Variants in PCDHGB2 observed in about 807,000 individuals in gnomAD.
PCDHGB2 encodes the protein protocadherin gamma subfamily B, 2, also known as protocadherin gamma-B2.
In PCDHGB2, 55 loss-of-function variants were observed where a neutral mutation model predicts 59.3. The ratio of observed to expected loss-of-function variants is 0.93; its 90% CI spans 0.75 to 1.16. The LOEUF (loss-of-function observed/expected upper bound fraction) is 1.16. Ranked by LOEUF, PCDHGB2 falls within the 50% of genes most tolerant of loss-of-function variation. PCDHGB2 has a pLI of 0.00. For missense variants in PCDHGB2, 1,228 were observed against 1,198.5 expected (o/e 1.02, Z -0.36); for synonymous variants, 516 against 512.0 (o/e 1.01, Z -0.11).
In PCDHGB2 at chr5:141,398,855, A is replaced by G. The variant is rs1376506270; in HGVS notation, c.2421+36299A>G. ...GCCAATGATAATCCCCCGGTATTCA[A>G]CCGAGACGTGTACAGAGTCAGCCTT... On this transcript the variant is annotated intron_variant, in intron 1 of 3. Coordinates refer to ENST00000522605, the MANE Select transcript of PCDHGB2 (RefSeq NM_018923.3). 2.5e-6 allele frequency: 4 copies of G among 1,613,852 alleles called. No individual in the cohort carries two copies. The African/African-American group carries it at 5.3e-5, about 22-fold the overall frequency.
At chr5:141,390,163 C>T (rs376391116) in intron 1 of PCDHGB2, 27 of 1,613,874 alleles carry the variant, frequency 1.7e-5, no homozygotes, top group African/African-American at 2.7e-5. Flanking sequence ...ACAGGAAAGA[C>T]GGAGTTTAAT....
chr5:141,470,100 G>A (rs1259251144), intron 1 of PCDHGB2, among the ~76,000 whole-genome samples: 2 of 152,178 alleles, frequency 1.3e-5, no homozygotes, highest in African/African-American at 4.8e-5. Context: ...CTACATTCCA[G>A]TCTGAGCAAC....
At chr5:141,468,425 T>TA (rs2099167168) in intron 1 of PCDHGB2, 1 of 151,612 alleles carries the variant, frequency 6.6e-6, no homozygotes, top group Non-Finnish European at 1.5e-5. Context: ...GATAGCAAGG[T>TA]AATAGCAAAA....
At chr5:141,411,631 C>G (rs570915798) in intron 1 of PCDHGB2, 1 of 151,812 alleles carries the variant, frequency 6.6e-6, no homozygotes, top group South Asian at 2.1e-4. Context: ...TGCTGTAATC[C>G]CAGCACTTTG....
Position 141,477,283 on chromosome 5 carries a change from C to T in PCDHGB2, c.2422-17524C>T, listed in dbSNP as rs766672047. The T allele has an allele frequency of 9.3e-6, 15 of 1,614,076 alleles. No homozygotes were observed. The highest frequency in any genetic ancestry group is 2.7e-5 in the African/African-American group (2 of 74,924). On this transcript the variant is annotated intron_variant, in intron 1 of 3. Coordinates refer to ENST00000522605, the MANE Select transcript of PCDHGB2 (RefSeq NM_018923.3). The surrounding 1 kb of genome is among the most constrained non-coding windows in gnomAD (Gnocchi z 4.9). ...CTGGCGAGAACGGGCTGGTGACCTG[C>T]GAAGTTCCACCGGGTCTCCCTTTCA... is the stretch of plus-strand genomic sequence containing the variant.
At chr5:141,372,062 C>G (rs1768364404) in intron 1 of PCDHGB2, 2 of 1,613,470 alleles carry the variant, frequency 1.2e-6, no homozygotes, top group South Asian at 2.2e-5. Flanking sequence ...ACGACCGCAA[C>G]GACAATGCAC....
At chr5:141,465,887 C>A (rs1267304672) in intron 1 of PCDHGB2, among the ~76,000 whole-genome samples, 1 of 152,040 alleles carries the variant, frequency 6.6e-6, no homozygotes, top group Non-Finnish European at 1.5e-5. Flanking sequence ...CTTTGGGAGG[C>A]CGAGGCGGGC....
intron 1 of PCDHGB2, among the ~76,000 whole-genome samples, chr5:141,406,024 G>A (rs2094747494): frequency 6.6e-6 from 1 of 151,462 alleles, no homozygotes; most frequent in Admixed American, 6.6e-5. Flanking sequence ...TTTTTGGGTA[G>A]GGTTGCTTCA....
At chr5:141,446,922 T>G (rs939249512) in intron 1 of PCDHGB2, among the ~76,000 whole-genome samples, 1 of 152,220 alleles carries the variant, frequency 6.6e-6, no homozygotes, top group Non-Finnish European at 1.5e-5. Context: ...TTTATCTTCC[T>G]GATCTCTTTT....
chr5:141,473,219 G>A (rs1198994780), intron 1 of PCDHGB2, among the ~76,000 whole-genome samples: 2 of 151,864 alleles, frequency 1.3e-5, no homozygotes, highest in Non-Finnish European at 2.9e-5. Flanking sequence ...TTACTTCCAG[G>A]GAGATTGGAT....
At chr5:141,455,874 T>C (rs2098834969) in intron 1 of PCDHGB2, among the ~76,000 whole-genome samples, 1 of 146,458 alleles carries the variant, frequency 6.8e-6, no homozygotes, top group South Asian at 2.1e-4. Flanking sequence ...TTTATTTATT[T>C]ATTTATTTAT....
At chr5:141,510,277 A>C (rs1242709133) in intron 3 of PCDHGB2, among the ~76,000 whole-genome samples, 5 of 151,916 alleles carry the variant, frequency 3.3e-5, no homozygotes, top group Admixed American at 2.6e-4. Flanking sequence ...CATCTTAAAA[A>C]AAAAAAAAAA....
intron 1 of PCDHGB2, among the ~76,000 whole-genome samples, chr5:141,401,018 G>C (rs2094104038): frequency 6.6e-6 from 1 of 152,108 alleles, no homozygotes; most frequent in Admixed American, 6.5e-5. Flanking sequence ...ATGGATTTAT[G>C]ATTTTTTGAA....
chr5:141,435,781 C>T (rs3828680), intron 1 of PCDHGB2, among the ~76,000 whole-genome samples: 81,882 of 151,942 alleles, frequency 0.54, 24,120 homozygotes, highest in African/African-American at 0.79. Flanking sequence ...TGTAAAGGTG[C>T]AGGGAAACAT....
intron 1 of PCDHGB2, among the ~76,000 whole-genome samples, chr5:141,407,392 A>G (rs1427023659): frequency 6.6e-6 from 1 of 152,226 alleles, no homozygotes; most frequent in Non-Finnish European, 1.5e-5. Flanking sequence ...ATGTCATGGT[A>G]GGTAGTTACT....
chr5:141,423,868 T>G (rs2154550529), intron 1 of PCDHGB2: 1 of 1,283,788 alleles, frequency 7.8e-7, no homozygotes, highest in East Asian at 3.1e-5. Flanking sequence ...GTGAAAGTCA[T>G]TTTTCAATCT....
intron 1 of PCDHGB2, among the ~76,000 whole-genome samples, chr5:141,373,025 G>T (rs1194348949): frequency 6.6e-6 from 1 of 152,092 alleles, no homozygotes; most frequent in East Asian, 1.9e-4. Context: ...TGATAGTCTT[G>T]AAACTTTTCT....
At chr5:141,497,478 C>A (rs974494984) in intron 2 of PCDHGB2, among the ~76,000 whole-genome samples, 1 of 150,954 alleles carries the variant, frequency 6.6e-6, no homozygotes, top group African/African-American at 2.4e-5. Flanking sequence ...GGAGAAGGTG[C>A]GGAACCTCTC....
Position 141,387,312 on chromosome 5 carries a change from G to A in PCDHGB2, c.2421+24756G>A, listed in dbSNP as rs576543135. Reference sequence around the variant, plus strand: ...AAAATGTATCCAGTATATTTCTAATGAGTAAGTATGGAAAATTACTGTACT... The same window carrying A: ...AAAATGTATCCAGTATATTTCTAATAAGTAAGTATGGAAAATTACTGTACT... On this transcript the variant is annotated intron_variant, in intron 1 of 3. Transcript: ENST00000522605. Among the ~76,000 whole-genome samples, 3 of 152,338 alleles carry A rather than the reference G, an allele frequency of 2.0e-5. No homozygotes were observed. The East Asian group carries it at 5.8e-4, about 29-fold the overall frequency.
Sources: allele counts gnomAD v4.1 joint callset (sites outside exome capture counted in the v4.1 genomes callset), GRCh38; gene constraint gnomAD v4.1.1; non-coding constraint Gnocchi (gnomAD v3.1); transcripts MANE v1.5; gene names NCBI Gene and HGNC (gene_info 2026-07-23, HGNC 2026-07-21).